The following EPHX1 variants were observed in gnomAD, a reference collection of about 807,000 sequenced individuals.
The protein encoded by EPHX1 is epoxide hydratase.
In EPHX1, 40 loss-of-function variants were observed where a neutral mutation model predicts 43.2. That is an observed-to-expected ratio of 0.93 (90% CI 0.72 to 1.21). The LOEUF (loss-of-function observed/expected upper bound fraction) is 1.21, where lower values mean the gene tolerates loss of function less well. Ranked by LOEUF, EPHX1 falls within the 50% of genes most tolerant of loss-of-function variation. The pLI is 0.00. For missense variants in EPHX1, 550 were observed against 570.4 expected (o/e 0.96, Z 0.36); for synonymous variants, 221 against 226.7 (o/e 0.98, Z 0.22).
chr1:225,828,427 A>G (rs1019196601), intron 1 of EPHX1, among the ~76,000 whole-genome samples: 1 of 151,416 alleles, frequency 6.6e-6, no homozygotes, highest in African/African-American at 2.4e-5. Context: ...CCAGGTTCCT[A>G]TTTTCCCAGG....
intron 1 of EPHX1, among the ~76,000 whole-genome samples, chr1:225,827,277 T>C (rs1667294313): frequency 6.6e-6 from 1 of 152,136 alleles, no homozygotes; most frequent in Non-Finnish European, 1.5e-5. Context: ...TGGGGCGTGG[T>C]TTGCAGGGGC....
Position 225,844,527 on chromosome 1 carries a change from A to G in EPHX1, c.1070A>G (p.Asn357Ser). ...RKFSLDDLLTNVMLYWTTGTI... is the reference protein window; with the variant it reads ...RKFSLDDLLTSVMLYWTTGTI... ...TTCTCCCTGGACGACCTGCTGACCAACGTCATGCTCTACTGGACAACAGGC... is the reference window on the plus strand; with the variant it reads ...TTCTCCCTGGACGACCTGCTGACCAGCGTCATGCTCTACTGGACAACAGGC... Residue 357 changes from asparagine (N) to serine (S), a missense_variant, in exon 8 of 9, where the codon AAC becomes AGC. Transcript: ENST00000272167. 1.9e-6 allele frequency: 3 copies of G among 1,614,066 alleles called. No homozygotes were observed. The highest frequency in any genetic ancestry group is 2.5e-6 in the Non-Finnish European group (3 of 1,179,986).
chr1:225,838,682 G>T lies in EPHX1; in HGVS notation c.393G>T (p.Lys131Asn). ...EGLDIHFIHV[K>N]PPQLPAGHTP... ...TGGACATCCACTTCATCCACGTGAAGCCCCCCCAGCTGCCCGCAGGCCATA... is the reference window on the plus strand; with the variant it reads ...TGGACATCCACTTCATCCACGTGAATCCCCCCCAGCTGCCCGCAGGCCATA... Residue 131 changes from lysine (K) to asparagine (N), a missense_variant, in exon 4 of 9, where the codon AAG becomes AAT. Lys to Asn is a moderately conservative substitution (Grantham distance 94). Coordinates refer to ENST00000272167, the MANE Select transcript of EPHX1 (RefSeq NM_001136018.4). 6.2e-7 allele frequency: 1 copy of T among 1,613,754 alleles called. No homozygotes were observed. The highest frequency in any genetic ancestry group is 8.5e-7 in the Non-Finnish European group (1 of 1,179,860).
chr1:225,828,606 TA>T, intron 1 of EPHX1, 118 bp from the exon 2 acceptor site: 1 of 786,214 alleles, frequency 1.3e-6, no homozygotes, highest in Non-Finnish European at 2.1e-6. Context: ...CAAGTGTAAA[TA>T]AAATCAGGGA....
chr1:225,816,682 C>T (rs1432909347), intron 1 of EPHX1, among the ~76,000 whole-genome samples: 2 of 152,250 alleles, frequency 1.3e-5, no homozygotes, highest in East Asian at 3.8e-4. Context: ...TGGCCTTCCC[C>T]TTCCCCTCTC....
Position 225,844,541 on chromosome 1 carries a change from T to G in EPHX1, c.1084T>G (p.Trp362Gly). ...DDLLTNVMLY[W>G]TTGTIISSQR... Reference sequence around the variant, plus strand: ...CCTGCTGACCAACGTCATGCTCTACTGGACAACAGGCACCATCATCTCCTC... The same window carrying G: ...CCTGCTGACCAACGTCATGCTCTACGGGACAACAGGCACCATCATCTCCTC... The change falls in exon 8 of 9, where the codon TGG becomes GGG. Residue 362 changes from tryptophan to glycine, a missense_variant. Transcript: ENST00000272167. 1 of 1,614,144 alleles carries G rather than the reference T, an allele frequency of 6.2e-7. No homozygotes were observed. Among genetic ancestry groups the G allele is most frequent in the Non-Finnish European group, 8.5e-7 (1 of 1,180,006 alleles).
chr1:225,810,207 A>C (rs943811647), intron 1 of EPHX1, 38 bp downstream of exon 1: 1 of 151,264 alleles, frequency 6.6e-6, no homozygotes, highest in African/African-American at 2.4e-5. Flanking sequence ...CACTCCCCGG[A>C]CGCAGACGCG....
intron 1 of EPHX1, among the ~76,000 whole-genome samples, chr1:225,810,774 T>G (rs1161600228): frequency 5.0e-4 from 63 of 125,524 alleles, no homozygotes; most frequent in Middle Eastern, 3.9e-3. Flanking sequence ...GTGGGGGGGG[T>G]CACAAGGTGC....
At chr1:225,839,126 C>T (rs1268614987) in intron 4 of EPHX1, 91 bp from the exon 5 acceptor site, 9 of 1,592,438 alleles carry the variant, frequency 5.7e-6, no homozygotes, top group Admixed American at 5.0e-5. Context: ...TGGGGGTAGG[C>T]GGGCCTGAGA....
At chr1:225,825,900 A>T (rs527359063) in intron 1 of EPHX1, among the ~76,000 whole-genome samples, 8 of 152,204 alleles carry the variant, frequency 5.3e-5, no homozygotes, top group Non-Finnish European at 1.2e-4. Flanking sequence ...CCTAACCCCT[A>T]GTCCTGCTTT....
rs759613930 is a variant in EPHX1 at position 225,839,349 on chromosome 1, G to A, written c.722+3G>A. On this transcript the variant is annotated splice_donor_region_variant and intron_variant, in intron 5 of 8. Transcript: ENST00000272167. ...AATATGGCCCAGCTGGTGCCCAGGT[G>A]AGGTCACTGTTGGGGTGGTGTGTGT... 9.3e-6 allele frequency: 15 copies of A among 1,611,308 alleles called. No individual in the cohort carries two copies. In the African/African-American group the frequency reaches 2.0e-4, roughly 22 times the overall value.
intron 2 of EPHX1, among the ~76,000 whole-genome samples, chr1:225,831,322 A>G (rs957263269): frequency 1.3e-5 from 2 of 152,150 alleles, no homozygotes; most frequent in Non-Finnish European, 2.9e-5. Flanking sequence ...GCCAAGGCAG[A>G]CAGATCACTT....
chr1:225,835,579 C>T (rs984493411), intron 3 of EPHX1, among the ~76,000 whole-genome samples: 6 of 151,654 alleles, frequency 4.0e-5, no homozygotes, highest in East Asian at 1.9e-4. Flanking sequence ...TTAGTAGAGA[C>T]GGGGTTTCAC....
chr1:225,825,692 G>A (rs1191820346), intron 1 of EPHX1: 1 of 152,256 alleles, frequency 6.6e-6, no homozygotes, highest in African/African-American at 2.4e-5. Context: ...TCTTCGCTGT[G>A]CTGGGCCAGT....
chr1:225,841,757 A>G (rs943356884), intron 6 of EPHX1, among the ~76,000 whole-genome samples: 1 of 151,526 alleles, frequency 6.6e-6, no homozygotes, highest in African/African-American at 2.4e-5. Context: ...ATGCACCACC[A>G]TGCCCTGCTA....
At chr1:225,836,171 T>G (rs1667955238) in intron 3 of EPHX1, among the ~76,000 whole-genome samples, 1 of 152,226 alleles carries the variant, frequency 6.6e-6, no homozygotes, top group South Asian at 2.1e-4. Context: ...TAAAGAGACA[T>G]GACAGCTCAG....
intron 7 of EPHX1, among the ~76,000 whole-genome samples, chr1:225,842,905 G>A (rs1668548684): frequency 6.6e-6 from 1 of 152,220 alleles, no homozygotes; most frequent in Non-Finnish European, 1.5e-5. Context: ...CAGAGCCTTA[G>A]AGGCTGTATC....
chr1:225,828,679 C>T (rs549155583), intron 1 of EPHX1, 46 bp from the exon 2 acceptor site: 3 of 1,603,522 alleles, frequency 1.9e-6, no homozygotes, highest in South Asian at 2.2e-5. Flanking sequence ...CTGTCAGGGC[C>T]GGGCTGGGCG....
chr1:225,812,961 G>T (rs1666554934), intron 1 of EPHX1, among the ~76,000 whole-genome samples: 1 of 152,158 alleles, frequency 6.6e-6, no homozygotes, highest in African/African-American at 2.4e-5. Context: ...GTGGGAAGAG[G>T]ATTGGGCTGG....
Sources: allele counts gnomAD v4.1 joint callset (sites outside exome capture counted in the v4.1 genomes callset), GRCh38; gene constraint gnomAD v4.1.1; transcripts MANE v1.5; gene names NCBI Gene and HGNC (gene_info 2026-07-23, HGNC 2026-07-21).